CDA: variants seen among roughly 807,000 people sequenced by gnomAD.
The protein encoded by CDA is cytidine deaminase, also known as cytidine aminohydrolase.
In CDA, 7 loss-of-function variants were observed where a neutral mutation model predicts 15.0. The observed-to-expected ratio is 0.47, with a 90% CI of 0.26 to 0.87. CDA has a LOEUF of 0.87. Ranked by LOEUF, CDA falls within the 40% of genes least tolerant of loss-of-function variation. CDA has a pLI of 0.15. For synonymous variants in CDA, 58 were observed against 73.0 expected (o/e 0.79, Z 1.05); for missense variants, 159 against 182.7 (o/e 0.87, Z 0.75).
intron 1 of CDA, among the ~76,000 whole-genome samples, chr1:20,591,907 G>A (rs1461097805): frequency 2.0e-5 from 3 of 150,804 alleles, no homozygotes; most frequent in Admixed American, 6.6e-5. Flanking sequence ...GCAGTGGCGC[G>A]ATCTCGGCTC....
intron 1 of CDA, among the ~76,000 whole-genome samples, chr1:20,591,839 GTTTT>G (rs35125816): frequency 8.6e-5 from 11 of 127,630 alleles, no homozygotes; most frequent in African/African-American, 1.2e-4. Flanking sequence ...TTATTTATGG[GTTTT>G]TTTTTGTTTT....
At chr1:20,597,144 G>A (rs1259408433) in intron 1 of CDA, among the ~76,000 whole-genome samples, 3 of 152,038 alleles carry the variant, frequency 2.0e-5, no homozygotes, top group Non-Finnish European at 2.9e-5. Flanking sequence ...TTCCTGCAAG[G>A]CCATAGAGAA....
chr1:20,594,955 A>C (rs894265877), intron 1 of CDA, among the ~76,000 whole-genome samples: 3 of 152,060 alleles, frequency 2.0e-5, no homozygotes, highest in Admixed American at 2.0e-4. Flanking sequence ...CTGTAACCCT[A>C]GGGGCACTGC....
intron 1 of CDA, among the ~76,000 whole-genome samples, chr1:20,598,954 G>T (rs944290515): frequency 6.6e-6 from 1 of 152,178 alleles, no homozygotes; most frequent in African/African-American, 2.4e-5. Flanking sequence ...GGAGGAATTA[G>T]ATAATAAAGA....
intron 1 of CDA, among the ~76,000 whole-genome samples, chr1:20,597,284 T>C (rs1241282803): frequency 6.6e-6 from 1 of 151,932 alleles, no homozygotes; most frequent in Admixed American, 6.6e-5. Flanking sequence ...CCATCTCTAA[T>C]AAAAATACAA....
rs1364190900 is a variant in CDA at position 20,598,389 on chromosome 1, G to T, written c.155-6539G>T. 2.6e-5 allele frequency among the ~76,000 whole-genome samples: 4 copies of T among 152,196 alleles called. No homozygotes were observed. In the East Asian group the frequency reaches 7.7e-4, roughly 29 times the overall value. On this transcript the variant is annotated intron_variant, in intron 1 of 3. Coordinates refer to ENST00000375071, the MANE Select transcript of CDA (RefSeq NM_001785.3). ...CTGGGTCCTCACTAGACACCAACTT[G>T]CCAACAGCTTGACCTTGGACTTCCA...
chr1:20,594,548 G>T (rs1253448968), intron 1 of CDA, among the ~76,000 whole-genome samples: 1 of 152,106 alleles, frequency 6.6e-6, no homozygotes, highest in Non-Finnish European at 1.5e-5. Context: ...GGTGCTTTTG[G>T]AGGCCGAGCT....
chr1:20,591,147 G>A (rs564269089), intron 1 of CDA, among the ~76,000 whole-genome samples: 1 of 152,238 alleles, frequency 6.6e-6, no homozygotes, highest in South Asian at 2.1e-4. Flanking sequence ...AGACCATCCT[G>A]GCTAACACGG....
rs1781459 is a variant in CDA, at chr1:20,618,665, T to C, written c.*97T>C. 1.2e-6 allele frequency: 1 copy of C among 801,704 alleles called. No individual in the cohort carries two copies. The highest frequency in any genetic ancestry group is 2.2e-6 in the Non-Finnish European group (1 of 447,266). The allele number at this position is 801,704 out of a possible 1,614,324, so 49.7% of individuals were successfully genotyped here. Reference sequence around the variant, plus strand: ...ACACCTGCCCAGTGGGCCCCAGCCCTACAGGGACTGGGCAAAGATGATGTT... The same window carrying C: ...ACACCTGCCCAGTGGGCCCCAGCCCCACAGGGACTGGGCAAAGATGATGTT... On this transcript the variant is annotated 3_prime_UTR_variant, in exon 4 of 4. Coordinates refer to ENST00000375071, the MANE Select transcript of CDA (RefSeq NM_001785.3).
rs2052527031 is a variant in CDA at position 20,589,251 on chromosome 1, C to A, written c.122C>A (p.Ala41Asp). 2 of 1,614,056 alleles carry A rather than the reference C, an allele frequency of 1.2e-6. No individual in the cohort carries two copies. Residue 41 changes from alanine (A) to aspartate (D), a missense_variant, in exon 1 of 4, where the codon GCC becomes GAC. Coordinates refer to ENST00000375071, the MANE Select transcript of CDA (RefSeq NM_001785.3). ...TACAGTCACTTTCCTGTGGGGGCTG[C>A]CCTGCTCACCCAGGAGGGGAGAATC... ...CPYSHFPVGA[A>D]LLTQEGRIFK...
chr1:20,591,506 C>G (rs2052548367), intron 1 of CDA, among the ~76,000 whole-genome samples: 1 of 152,156 alleles, frequency 6.6e-6, no homozygotes, highest in Admixed American at 6.5e-5. Context: ...GGTAAGGTGC[C>G]AGGTGCTGGG....
chr1:20,613,586 G>T (rs916365275), intron 2 of CDA, among the ~76,000 whole-genome samples: 2 of 152,216 alleles, frequency 1.3e-5, no homozygotes, highest in Non-Finnish European at 2.9e-5. Flanking sequence ...TCCCGGGTGT[G>T]GGTGATGGTA....
Position 20,613,837 on chromosome 1 carries a change from C to G in CDA, c.267-5C>G, listed in dbSNP as rs757791979. ...TAATTTGAGTTTGATTCTTTGCTTC[C>G]CCAGTGACATGCAAGATGATTTTAT... On this transcript the variant is annotated splice_region_variant and splice_polypyrimidine_tract_variant and intron_variant, in intron 2 of 3. Coordinates refer to ENST00000375071, the MANE Select transcript of CDA (RefSeq NM_001785.3). 1 of 1,613,722 alleles carries G rather than the reference C, an allele frequency of 6.2e-7. No individual in the cohort carries two copies. Among genetic ancestry groups the G allele is most frequent in the South Asian group, 1.1e-5 (1 of 91,068 alleles).
intron 1 of CDA, among the ~76,000 whole-genome samples, chr1:20,594,539 G>A (rs1203481572): frequency 6.8e-6 from 1 of 146,632 alleles, no homozygotes; most frequent in Non-Finnish European, 1.5e-5. Context: ...TGTAATCCCG[G>A]TGCTTTTGGA....
chr1:20,600,042 G>A (rs1475694299), intron 1 of CDA, among the ~76,000 whole-genome samples: 4 of 152,198 alleles, frequency 2.6e-5, no homozygotes, highest in Non-Finnish European at 5.9e-5. Flanking sequence ...TGCTGTTTGA[G>A]TAGTGGGGCA....
At chr1:20,594,776 G>A (rs185801275) in intron 1 of CDA, among the ~76,000 whole-genome samples, 2,390 of 139,696 alleles carry the variant, frequency 0.017, 30 homozygotes, top group Admixed American at 0.026. Context: ...GCGACAGAGC[G>A]AGACGCCATC....
chr1:20,612,767 AC>A (rs2052764961), intron 2 of CDA, among the ~76,000 whole-genome samples: 1 of 151,626 alleles, frequency 6.6e-6, no homozygotes, highest in Non-Finnish European at 1.5e-5. Context: ...ACATAGTGAA[AC>A]CCCGTCTCTA....
chr1:20,592,988 G>A (rs974474859), intron 1 of CDA, among the ~76,000 whole-genome samples: 1 of 152,172 alleles, frequency 6.6e-6, no homozygotes, highest in Non-Finnish European at 1.5e-5. Flanking sequence ...AGACACTTGG[G>A]AAGCTGAGAT....
In CDA at chr1:20,589,267, G is replaced by A. The variant is rs370732227; in HGVS notation, c.138G>A (p.Glu46=). The A allele has an allele frequency of 1.9e-6, 3 of 1,614,050 alleles. No individual in the cohort carries two copies. Among genetic ancestry groups the A allele is most frequent in the Non-Finnish European group, 2.5e-6 (3 of 1,180,004 alleles). Residue 46 remains glutamate, a synonymous_variant, in exon 1 of 4, where the codon GAG becomes GAA. Coordinates refer to ENST00000375071, the MANE Select transcript of CDA (RefSeq NM_001785.3). ...FPVGAALLTQ[E]GRIFKGCNIE... ...TGGGGGCTGCCCTGCTCACCCAGGA[G>A]GGGAGAATCTTCAAAGGTAAAGGTG...
Sources: gnomAD v4.1 joint callset for allele counts (sites outside exome capture counted in the v4.1 genomes callset) on GRCh38, gnomAD v4.1.1 for gene constraint, MANE v1.5 for transcripts, NCBI Gene and HGNC (gene_info 2026-07-23, HGNC 2026-07-21) for gene names.